The following PARPBP variants were observed in gnomAD, a reference collection of about 807,000 sequenced individuals.
PARPBP encodes the protein PCNA-interacting partner.
PARPBP carries 52 observed loss-of-function variants against 50.0 expected under a neutral mutation model. That is an observed-to-expected ratio of 1.04 (90% CI 0.83 to 1.31). The LOEUF (loss-of-function observed/expected upper bound fraction) is 1.31, where lower values mean the gene tolerates loss of function less well. Among genes scored for constraint, PARPBP ranks in the 50% most tolerant of loss-of-function variants. The pLI is 0.00. For missense variants in PARPBP, 697 were observed against 672.0 expected, an observed-to-expected ratio of 1.04 and a Z score of -0.41; for synonymous variants, 244 against 232.1, an observed-to-expected ratio of 1.05 and a Z score of -0.47.
chr12:102,169,964 A>C (rs556763278), intron 6 of PARPBP, among the ~76,000 whole-genome samples: 2 of 152,310 alleles, frequency 1.3e-5, no homozygotes, highest in South Asian at 4.1e-4. Context: ...CTTATTTTTA[A>C]ATAGAAAAAT....
chr12:102,152,191 T>C (rs114729212), intron 3 of PARPBP, among the ~76,000 whole-genome samples: 4,306 of 152,172 alleles, frequency 0.028, 176 homozygotes, highest in African/African-American at 0.087. Context: ...TAGAGTGGAA[T>C]AAAAAAGGGC....
intron 2 of PARPBP, among the ~76,000 whole-genome samples, chr12:102,126,829 G>GT (rs1003200158): frequency 6.6e-6 from 1 of 151,990 alleles, no homozygotes; most frequent in Non-Finnish European, 1.5e-5. Context: ...TCTGTATCTT[G>GT]TTTTTTTCCA....
chr12:102,135,898 AT>A (rs1489755683), intron 2 of PARPBP, among the ~76,000 whole-genome samples: 1 of 152,078 alleles, frequency 6.6e-6, no homozygotes, highest in Non-Finnish European at 1.5e-5. Context: ...GCTTTTCTCC[AT>A]TTTACCTACT....
chr12:102,123,173 T>C (rs1881423593), intron 1 of PARPBP, among the ~76,000 whole-genome samples: 1 of 152,220 alleles, frequency 6.6e-6, no homozygotes, highest in South Asian at 2.1e-4. Flanking sequence ...GTCTGACATG[T>C]ACCAAAATTC....
In PARPBP at chr12:102,196,122, A is replaced by G. The variant is rs141979957; in HGVS notation, c.1571A>G (p.Asn524Ser). 7.7e-5 allele frequency: 124 copies of G among 1,612,102 alleles called. No homozygotes were observed. The African/African-American group carries it at 1.6e-3, about 21-fold the overall frequency. The stretch of plus-strand genomic sequence containing the variant: ...GATGGTGAAAATATTCTCTGTGATA[A>G]TAGAAATGAACCACCTCAACATAAA... ...DLDGENILCD[N>S]RNEPPQHKNA... The change falls in exon 11 of 11, where the codon AAT (asparagine) becomes AGT (serine). Residue 524 changes from asparagine to serine, a missense_variant. Asn to Ser is a conservative substitution (Grantham distance 46, BLOSUM62 1). Coordinates refer to ENST00000327680, the MANE Select transcript of PARPBP (RefSeq NM_017915.5).
At chr12:102,163,337 CTTA>C (rs757140552) in intron 4 of PARPBP, among the ~76,000 whole-genome samples, 14 of 152,042 alleles carry the variant, frequency 9.2e-5, no homozygotes, top group Non-Finnish European at 1.9e-4. Flanking sequence ...ATTTGTTAAC[CTTA>C]TTATTGTTCC....
intron 9 of PARPBP, among the ~76,000 whole-genome samples, chr12:102,186,735 C>G (rs563525465): frequency 6.6e-6 from 1 of 152,228 alleles, no homozygotes; most frequent in Admixed American, 6.5e-5. Context: ...ATATACAGGT[C>G]TTTTCCTTAT....
At chr12:102,169,653 G>T (rs773680969) in intron 6 of PARPBP, among the ~76,000 whole-genome samples, 36 of 151,922 alleles carry the variant, frequency 2.4e-4, no homozygotes, top group African/African-American at 8.7e-4. Context: ...ACCTTTTCAC[G>T]TGTCACTGAG....
At chr12:102,148,532 T>A in intron 3 of PARPBP, 69 bp downstream of exon 3, 1 of 590,138 alleles carries the variant, frequency 1.7e-6, no homozygotes, top group Non-Finnish European at 2.8e-6. Flanking sequence ...TGAATTATAG[T>A]ATCACCAGTT....
At chr12:102,167,015 G>T (rs2136287462) in intron 6 of PARPBP, among the ~76,000 whole-genome samples, 1 of 152,136 alleles carries the variant, frequency 6.6e-6, no homozygotes, top group Admixed American at 6.5e-5. Context: ...AAGTCAGGTG[G>T]TACTACAGTC....
chr12:102,174,587 G>A (rs565138825), intron 6 of PARPBP, among the ~76,000 whole-genome samples: 1 of 152,308 alleles, frequency 6.6e-6, no homozygotes, highest in South Asian at 2.1e-4. Flanking sequence ...TTCATGGTCT[G>A]TAGTCAGACC....
intron 7 of PARPBP, among the ~76,000 whole-genome samples, chr12:102,178,034 G>A (rs75878789): frequency 1.4e-4 from 21 of 152,286 alleles, no homozygotes; most frequent in African/African-American, 4.1e-4. Context: ...GCAATTGTCA[G>A]TTACTTATTT....
At chr12:102,147,621 C>G (rs955160939) in intron 2 of PARPBP, among the ~76,000 whole-genome samples, 2 of 151,436 alleles carry the variant, frequency 1.3e-5, no homozygotes, top group African/African-American at 4.9e-5. Flanking sequence ...TGCTAAATGA[C>G]GAGTTAATGG....
chr12:102,184,304 T>G (rs963764870), intron 9 of PARPBP, among the ~76,000 whole-genome samples: 1 of 152,158 alleles, frequency 6.6e-6, no homozygotes, highest in African/African-American at 2.4e-5. Flanking sequence ...ATCCATTCTC[T>G]CAAGCATTTT....
rs1887924371 is a variant in PARPBP at position 102,164,493 on chromosome 12, CA to C, written c.554del (p.Lys185ArgfsTer17). 6.2e-7 allele frequency: 1 copy of C among 1,612,730 alleles called. No homozygotes were observed. The highest frequency in any genetic ancestry group is 1.7e-5 in the Admixed American group (1 of 59,992). On this transcript the variant is annotated frameshift_variant, in exon 5 of 11. Transcript: ENST00000327680. LOFTEE classifies it high-confidence loss of function. Reference sequence around the variant, plus strand: ...TCATATTTAAATCTGCTAGTGAATTCAAAGAATGACCTGGCTGTGGCTTATA... The same window carrying C: ...TCATATTTAAATCTGCTAGTGAATTCAAGAATGACCTGGCTGTGGCTTATA... ...IFSYLNLLVN[S>X]KNDLAVAYIL... is the part of the protein sequence containing the mutation.
chr12:102,166,093 A>G (rs912299412), intron 6 of PARPBP, among the ~76,000 whole-genome samples: 43 of 152,184 alleles, frequency 2.8e-4, no homozygotes, highest in African/African-American at 1.0e-3. Context: ...GTCAAAAGTC[A>G]CATCCATACT....
intron 2 of PARPBP, among the ~76,000 whole-genome samples, chr12:102,147,508 T>G (rs188131828): frequency 7.2e-6 from 1 of 138,804 alleles, no homozygotes; most frequent in Non-Finnish European, 1.5e-5. Context: ...TAGATGGAAT[T>G]GAACAATGAG....
chr12:102,185,954 G>A (rs1344617343), intron 9 of PARPBP, among the ~76,000 whole-genome samples: 1 of 152,042 alleles, frequency 6.6e-6, no homozygotes, highest in African/African-American at 2.4e-5. Flanking sequence ...CGGCCCAGCT[G>A]CTGGGAGACT....
rs529197874 is a variant in PARPBP, at chr12:102,196,610, G to A, written c.*319G>A. 7.4e-5 allele frequency: 108 copies of A among 1,452,652 alleles called. No individual in the cohort carries two copies. The highest frequency in any genetic ancestry group is 1.0e-4 in the Non-Finnish European group (105 of 1,033,984). 90.0% of individuals were successfully genotyped at this position (1,452,652 alleles called of 1,614,324 possible). ...CTTCTCCTCCCATTGGCAATTAAAT[G>A]CTTTTATTTTCTTCTGAAAAGATGA... On this transcript the variant is annotated 3_prime_UTR_variant, in exon 11 of 11. Coordinates refer to ENST00000327680, the MANE Select transcript of PARPBP (RefSeq NM_017915.5).
Sources: allele counts gnomAD v4.1 joint callset (sites outside exome capture counted in the v4.1 genomes callset), GRCh38; gene constraint gnomAD v4.1.1; transcripts MANE v1.5; gene names NCBI Gene and HGNC (gene_info 2026-07-23, HGNC 2026-07-21).